The following ASH2L variants were observed in gnomAD, a reference collection of about 807,000 sequenced individuals.
ASH2L encodes the protein ASH2 like, histone lysine methyltransferase complex subunit.
In ASH2L, 30 loss-of-function variants were observed where a neutral mutation model predicts 81.1. The ratio of observed to expected loss-of-function variants is 0.37; its 90% CI spans 0.28 to 0.50. The LOEUF (loss-of-function observed/expected upper bound fraction) is 0.50, where lower values mean the gene tolerates loss of function less well. ASH2L is among the 20% of genes least tolerant of loss of function. The probability of loss-of-function intolerance (pLI) is 0.95; values close to 1 mark genes in which losing one functional copy is unlikely to be tolerated. For synonymous variants in ASH2L, 273 were observed against 279.9 expected (o/e 0.98, Z 0.24); for missense variants, 559 against 792.1 (o/e 0.71, Z 3.53).
chr8:38,126,213 A>C (rs1199090244), intron 10 of ASH2L, among the ~76,000 whole-genome samples: 1 of 152,058 alleles, frequency 6.6e-6, no homozygotes, highest in African/African-American at 2.4e-5. Flanking sequence ...CAAAAAAAAA[A>C]AACAAAAGAA....
intron 10 of ASH2L, among the ~76,000 whole-genome samples, chr8:38,122,200 TG>T (rs1259402084): frequency 6.6e-6 from 1 of 152,190 alleles, no homozygotes; most frequent in Non-Finnish European, 1.5e-5. Context: ...TTCAAGAAGT[TG>T]GTTCTTGTGT....
chr8:38,106,041 A>G lies in ASH2L; in HGVS notation c.188+303A>G, dbSNP rs1414138078. 2.6e-6 allele frequency: 4 copies of G among 1,526,272 alleles called. No homozygotes were observed. In the East Asian group the frequency reaches 1.0e-4, roughly 38 times the overall value. 94.5% of individuals were successfully genotyped at this position (1,526,272 alleles called of 1,614,324 possible). On this transcript the variant is annotated intron_variant, in intron 1 of 15. Transcript: ENST00000343823. Reference sequence around the variant, plus strand: ...CTTCACATATTCCAGAAAAGAAACCACTTTGCAGTGCCAGACTGGAAGAAG... The same window carrying G: ...CTTCACATATTCCAGAAAAGAAACCGCTTTGCAGTGCCAGACTGGAAGAAG...
At chr8:38,110,943 T>A in intron 5 of ASH2L, 110 bp downstream of exon 5, 1 of 872,012 alleles carries the variant, frequency 1.1e-6, no homozygotes, top group Non-Finnish European at 1.8e-6. Flanking sequence ...TATATGACAG[T>A]GGATTCAGTG....
intron 10 of ASH2L, among the ~76,000 whole-genome samples, chr8:38,127,638 CA>C (rs1801902717): frequency 6.8e-6 from 1 of 148,054 alleles, no homozygotes; most frequent in Admixed American, 6.8e-5. Context: ...CCCAGCTACT[CA>C]GGCTGAGGCA....
At chr8:38,107,976 C>G (rs1338373932) in intron 3 of ASH2L, among the ~76,000 whole-genome samples, 2 of 150,966 alleles carry the variant, frequency 1.3e-5, no homozygotes, top group African/African-American at 4.9e-5. Flanking sequence ...GCTCTGCTGC[C>G]CAGGCTGGAG....
chr8:38,118,862 A>T lies in ASH2L; in HGVS notation c.854-408A>T, dbSNP rs541411205. 2.0e-5 allele frequency among the ~76,000 whole-genome samples: 3 copies of T among 152,202 alleles called. No individual in the cohort carries two copies. In the South Asian group the frequency reaches 6.2e-4, roughly 32 times the overall value. On this transcript the variant is annotated intron_variant, in intron 8 of 15. Coordinates refer to ENST00000343823, the MANE Select transcript of ASH2L (RefSeq NM_004674.5). ...CTTACAGTGAGGATATTCTCTCTTT[A>T]TGGGTGTTTGTATTAATTTGGATGA... is the stretch of plus-strand genomic sequence containing the variant.
Position 38,139,046 on chromosome 8 carries a change from G to A in ASH2L, c.1862G>A (p.Arg621Lys). 6.2e-7 allele frequency: 1 copy of A among 1,602,894 alleles called. No homozygotes were observed. Among genetic ancestry groups the A allele is most frequent in the Non-Finnish European group, 8.5e-7 (1 of 1,174,572 alleles). ...CACGTGGAGACAGAAGTGGATGGGA[G>A]GCGCAGTCCCCCATGGGAACCCTGA... ...LYHVETEVDGRRSPPWEP is the reference protein window; with the variant it reads ...LYHVETEVDGKRSPPWEP Residue 621 changes from arginine (R) to lysine (K), a missense_variant, in exon 16 of 16, where the codon AGG (arginine) becomes AAG (lysine). Arg to Lys is a conservative substitution (Grantham distance 26, BLOSUM62 2). Around this residue, in one of 4 missense-constraint regions of ASH2L, gnomAD observed 95 missense variants for 130.7 expected, o/e 0.73. Transcript: ENST00000343823.
chr8:38,113,369 C>A (rs921762585), intron 5 of ASH2L, among the ~76,000 whole-genome samples: 31 of 152,254 alleles, frequency 2.0e-4, no homozygotes, highest in African/African-American at 5.8e-4. Flanking sequence ...CTCCCCCATC[C>A]GTTTTTGAAC....
chr8:38,133,344 T>A, intron 12 of ASH2L, 110 bp from the exon 13 acceptor site: 1 of 711,642 alleles, frequency 1.4e-6, no homozygotes, highest in South Asian at 1.7e-5. Context: ...AGATTTTTAA[T>A]ATCTGTTGTA....
chr8:38,119,359 C>T lies in ASH2L; in HGVS notation c.943C>T (p.Arg315Trp), dbSNP rs1474687803. Residue 315 changes from arginine (R) to tryptophan (W), a missense_variant, in exon 9 of 16, where the codon CGG (arginine) becomes TGG (tryptophan). This residue lies in a region of ASH2L where 318 missense variants were observed against 527.0 expected (regional missense o/e 0.60). Coordinates refer to ENST00000343823, the MANE Select transcript of ASH2L (RefSeq NM_004674.5). ...GGTTGTTKKA[R>W]SDPLFSAQRL... is the part of the protein sequence containing the mutation. ...GACCACAGGGACCACCAAGAAGGCCCGGAGGTGGGGAGAGTGCCCACCCTG... is the reference window on the plus strand; with the variant it reads ...GACCACAGGGACCACCAAGAAGGCCTGGAGGTGGGGAGAGTGCCCACCCTG... 3 of 1,539,140 alleles carry T rather than the reference C, an allele frequency of 1.9e-6. No individual in the cohort carries two copies. Among genetic ancestry groups the T allele is most frequent in the Non-Finnish European group, 2.6e-6 (3 of 1,143,078 alleles).
chr8:38,136,829 T>G (rs1312522383), intron 14 of ASH2L, among the ~76,000 whole-genome samples: 1 of 146,728 alleles, frequency 6.8e-6, no homozygotes, highest in East Asian at 2.1e-4. Context: ...CGGTGGCTCA[T>G]GCCTGTAATC....
intron 12 of ASH2L, among the ~76,000 whole-genome samples, chr8:38,132,559 G>T (rs1239092364): frequency 6.6e-6 from 1 of 152,316 alleles, no homozygotes; most frequent in African/African-American, 2.4e-5. Flanking sequence ...AGCACTTTGG[G>T]AGGCTGAGGC....
At chr8:38,117,476 T>G in intron 8 of ASH2L, 1 of 985,258 alleles carries the variant, frequency 1.0e-6, no homozygotes, top group South Asian at 4.7e-5. Flanking sequence ...GGAGGTGAAT[T>G]CCTCCACTGT....
chr8:38,112,132 G>A (rs1043725492), intron 5 of ASH2L, among the ~76,000 whole-genome samples: 6 of 152,084 alleles, frequency 3.9e-5, no homozygotes, highest in South Asian at 2.1e-4. Context: ...TCAGCCTCCC[G>A]AGTAGCTGGG....
chr8:38,138,902 G>C, intron 15 of ASH2L, 27 bp downstream of exon 15: 2 of 1,613,512 alleles, frequency 1.2e-6, no homozygotes, highest in Non-Finnish European at 1.7e-6. Flanking sequence ...ATGGCTGCAT[G>C]TGTCCTCAGC....
intron 8 of ASH2L, among the ~76,000 whole-genome samples, chr8:38,118,864 G>A (rs937872556): frequency 6.6e-6 from 1 of 152,132 alleles, no homozygotes; most frequent in Non-Finnish European, 1.5e-5. Flanking sequence ...CTCTCTTTAT[G>A]GGTGTTTGTA....
At chr8:38,105,803 T>TCCTGGAGCCCTGCCGCCCGCCC in intron 1 of ASH2L, 65 bp downstream of exon 1, 1 of 1,484,660 alleles carries the variant, frequency 6.7e-7, no homozygotes, top group Non-Finnish European at 8.9e-7. Context: ...ATCCCGCGGC[T>TCCTGGAGCCCTGCCGCCCGCCC]CCTGGAGCCC....
intron 14 of ASH2L, 135 bp downstream of exon 14, chr8:38,135,901 T>G (rs1802232056): frequency 1.6e-6 from 1 of 606,582 alleles, no homozygotes; most frequent in Admixed American, 3.4e-5. Context: ...TTACCATTAC[T>G]GTTTAGTCCA....
chr8:38,132,786 G>C (rs188513590), intron 12 of ASH2L, among the ~76,000 whole-genome samples: 1,441 of 142,030 alleles, frequency 0.01, 35 homozygotes, highest in African/African-American at 0.035. Context: ...GTGACAGAGT[G>C]AGACTGTCTC....
Sources: gnomAD v4.1 joint callset for allele counts (sites outside exome capture counted in the v4.1 genomes callset) on GRCh38, gnomAD v4.1.1 for gene constraint, gnomAD v4.1.1 regional missense constraint, MANE v1.5 for transcripts, NCBI Gene and HGNC (gene_info 2026-07-23, HGNC 2026-07-21) for gene names.